The following OLFM2 variants were observed in gnomAD, a reference collection of about 807,000 sequenced individuals.
The protein encoded by OLFM2 is olfactomedin 2, also known as noelin-2.
Under a neutral mutation model 43.9 loss-of-function variants are expected in OLFM2, and 20 were observed. That is an observed-to-expected ratio of 0.46 (90% CI 0.32 to 0.66). The LOEUF is 0.66. Ranked by LOEUF, OLFM2 falls within the 30% of genes least tolerant of loss-of-function variation. The pLI is 0.04. For synonymous variants in OLFM2, 268 were observed against 278.6 expected (o/e 0.96, Z 0.38); for missense variants, 416 against 643.6 (o/e 0.65, Z 3.83).
intron 1 of OLFM2, among the ~76,000 whole-genome samples, chr19:9,914,972 CGGGGA>C (rs2046863422): frequency 6.6e-6 from 1 of 151,958 alleles, no homozygotes; most frequent in Non-Finnish European, 1.5e-5. Flanking sequence ...CAAGCATGAG[CGGGGA>C]GGGGGGCTAG....
At chr19:9,890,112 G>A (rs1408453316) in intron 1 of OLFM2, among the ~76,000 whole-genome samples, 3 of 152,062 alleles carry the variant, frequency 2.0e-5, no homozygotes, top group Admixed American at 6.6e-5. Flanking sequence ...TCTTCCCTCT[G>A]GGCTCCCCTC....
chr19:9,879,418 C>T (rs1437082960), intron 1 of OLFM2, among the ~76,000 whole-genome samples: 6 of 152,226 alleles, frequency 3.9e-5, no homozygotes, highest in East Asian at 1.9e-4. Context: ...AGGCGTGAGC[C>T]ACCGTACCCA....
At chr19:9,922,847 GTT>G (rs977515671) in intron 1 of OLFM2, among the ~76,000 whole-genome samples, 1 of 150,358 alleles carries the variant, frequency 6.7e-6, no homozygotes, top group Non-Finnish European at 1.5e-5. Flanking sequence ...GGAGGTTGAG[GTT>G]GCAGTGAGCA....
chr19:9,875,689 TTG>T (rs2046481633), intron 1 of OLFM2, among the ~76,000 whole-genome samples: 1 of 151,546 alleles, frequency 6.6e-6, no homozygotes, highest in East Asian at 1.9e-4. Context: ...TGTTTTTTGT[TTG>T]TTTTTTCTCA....
intron 1 of OLFM2, among the ~76,000 whole-genome samples, chr19:9,933,581 G>C (rs1275253464): frequency 1.8e-5 from 2 of 108,616 alleles, no homozygotes; most frequent in Non-Finnish European, 3.5e-5. Context: ...TTTTGAGACA[G>C]AGTTTCACTC....
At position 9,934,536 on chromosome 19, in the gene OLFM2, G is replaced by C. The variant is rs545810166; in HGVS notation, c.63+1768C>G. ...GCAGGGAGTGGAGGAGAAGCCACAGGGGGTGGTTCTCTGTCTCCTCTGCTA... is the reference window on the plus strand; with the variant it reads ...GCAGGGAGTGGAGGAGAAGCCACAGCGGGTGGTTCTCTGTCTCCTCTGCTA... On this transcript the variant is annotated intron_variant, in intron 1 of 5. Transcript: ENST00000264833. Among the ~76,000 whole-genome samples the C allele has an allele frequency of 3.9e-3, 571 of 145,114 alleles. 9 individuals are homozygous for C. The highest frequency in any genetic ancestry group is 5.6e-3 in the Non-Finnish European group (368 of 66,144).
At chr19:9,904,182 G>A (rs1016471438) in intron 1 of OLFM2, among the ~76,000 whole-genome samples, 4 of 151,036 alleles carry the variant, frequency 2.6e-5, no homozygotes, top group African/African-American at 9.7e-5. Flanking sequence ...GTGTGTGTGT[G>A]TGTGTGTGTG....
chr19:9,921,501 T>C (rs1224887339), intron 1 of OLFM2, among the ~76,000 whole-genome samples: 3 of 151,904 alleles, frequency 2.0e-5, no homozygotes, highest in African/African-American at 4.8e-5. Flanking sequence ...ATTTTTTTTT[T>C]TTTTTGAGAC....
At chr19:9,882,439 G>A (rs2046547373) in intron 1 of OLFM2, among the ~76,000 whole-genome samples, 2 of 151,824 alleles carry the variant, frequency 1.3e-5, no homozygotes, top group African/African-American at 4.8e-5. Context: ...TCGGGAGGCT[G>A]AGGCAGGAGA....
At chr19:9,901,382 C>T (rs749974934) in intron 1 of OLFM2, among the ~76,000 whole-genome samples, 3 of 151,966 alleles carry the variant, frequency 2.0e-5, no homozygotes, top group Non-Finnish European at 2.9e-5. Flanking sequence ...GCTGAGATCG[C>T]GTCACTGCAC....
Position 9,919,303 on chromosome 19 carries a change from G to A in OLFM2, c.63+17001C>T, listed in dbSNP as rs570431800. On this transcript the variant is annotated intron_variant, in intron 1 of 5. Transcript: ENST00000264833. ...TGCCTCAGCCTCCGGAGTAGCTGGG[G>A]CTACAGGCGCCTACCACCACGCCCG... Among the ~76,000 whole-genome samples, 7 of 151,542 alleles carry A rather than the reference G, an allele frequency of 4.6e-5. No homozygotes were observed. In the East Asian group the frequency reaches 7.8e-4, roughly 17 times the overall value.
chr19:9,920,024 G>A (rs1450984426), intron 1 of OLFM2, among the ~76,000 whole-genome samples: 2 of 142,658 alleles, frequency 1.4e-5, no homozygotes, highest in African/African-American at 2.6e-5. Context: ...GGCTGGTCTC[G>A]AACTCCTGAC....
intron 1 of OLFM2, among the ~76,000 whole-genome samples, chr19:9,881,981 C>A (rs905746579): frequency 4.6e-5 from 7 of 152,220 alleles, no homozygotes; most frequent in Non-Finnish European, 1.0e-4. Context: ...CCTATAATCC[C>A]AACACCGTGG....
intron 1 of OLFM2, among the ~76,000 whole-genome samples, chr19:9,865,485 C>CTTTTTTTT (rs71188847): frequency 3.4e-4 from 25 of 73,632 alleles, no homozygotes; most frequent in Admixed American, 1.2e-3. Flanking sequence ...TCTGTTTTTT[C>CTTTTTTTT]TTTTTTTTTT....
At chr19:9,921,712 C>G (rs1044835952) in intron 1 of OLFM2, among the ~76,000 whole-genome samples, 3 of 151,998 alleles carry the variant, frequency 2.0e-5, no homozygotes, top group African/African-American at 7.2e-5. Context: ...GTCTTGATCT[C>G]CTGACCTCGT....
chr19:9,924,641 G>A (rs2086441503), intron 1 of OLFM2, among the ~76,000 whole-genome samples: 1 of 151,862 alleles, frequency 6.6e-6, no homozygotes, highest in South Asian at 2.1e-4. Context: ...GATACTACAT[G>A]CAAGTGTCTT....
intron 1 of OLFM2, among the ~76,000 whole-genome samples, chr19:9,893,908 T>C (rs756586497): frequency 2.1e-4 from 32 of 152,156 alleles, no homozygotes; most frequent in Non-Finnish European, 3.2e-4. Context: ...TCTCACCTCA[T>C]AGATACTAGA....
Position 9,854,169 on chromosome 19 carries a change from C to T in OLFM2, c.*17G>A, listed in dbSNP as rs184473966. ...CCCAGAGGCCCCCCAGGCAGCAGCC[C>T]GAGCCACAGCATTGGCTCAGGGGTC... On this transcript the variant is annotated 3_prime_UTR_variant, in exon 6 of 6. Coordinates refer to ENST00000264833, the MANE Select transcript of OLFM2 (RefSeq NM_058164.4). The surrounding 1 kb of genome is among the most constrained non-coding windows in gnomAD (Gnocchi z 9.5). 471 of 1,612,646 alleles carry T rather than the reference C, an allele frequency of 2.9e-4. 1 individual carries two copies. In the African/African-American group the frequency reaches 5.5e-3, roughly 19 times the overall value.
At chr19:9,897,519 C>T (rs937843449) in intron 1 of OLFM2, among the ~76,000 whole-genome samples, 3 of 151,798 alleles carry the variant, frequency 2.0e-5, no homozygotes, top group African/African-American at 7.3e-5. Flanking sequence ...AAAATAAAAA[C>T]AAAATACTTG....
Sources: allele counts gnomAD v4.1 joint callset (sites outside exome capture counted in the v4.1 genomes callset), GRCh38; gene constraint gnomAD v4.1.1; non-coding constraint Gnocchi (gnomAD v3.1); transcripts MANE v1.5; gene names NCBI Gene and HGNC (gene_info 2026-07-23, HGNC 2026-07-21).